Variants in PNPLA6 observed in about 807,000 individuals in gnomAD.
PNPLA6 encodes patatin-like phospholipase domain-containing protein 6.
In PNPLA6, 105 loss-of-function variants were observed where a neutral mutation model predicts 153.7. That is an observed-to-expected ratio of 0.68 (90% CI 0.58 to 0.80). PNPLA6 has a LOEUF of 0.80. PNPLA6 is among the 30% of genes least tolerant of loss of function. PNPLA6 has a pLI of 0.00. For missense variants in PNPLA6, 1,423 were observed against 1,919.3 expected (o/e 0.74, Z 4.83); for synonymous variants, 825 against 822.2 (o/e 1.00, Z -0.06).
rs1384010141 is a variant in PNPLA6, at chr19:7,551,011, G to T, written c.2088G>T (p.Arg696=). ...DLIGVVEALT[R]QPRATTVHAV... ...CCCCCCAGGTGGAGGCACTGACCCG[G>T]CAGCCGCGAGCCACGACGGTGCACG... is the stretch of plus-strand genomic sequence containing the variant. The change falls in exon 17 of 32, where the codon CGG becomes CGT. Residue 696 remains arginine (R), a synonymous_variant. Transcript: ENST00000600737. The T allele has an allele frequency of 5.2e-6, 8 of 1,545,898 alleles. No individual in the cohort carries two copies. The highest frequency in any genetic ancestry group is 1.4e-5 in the African/African-American group (1 of 73,006).
intron 27 of PNPLA6, among the ~76,000 whole-genome samples, chr19:7,558,576 G>A (rs1005834237): frequency 2.6e-5 from 4 of 152,092 alleles, no homozygotes; most frequent in African/African-American, 9.7e-5. Flanking sequence ...AGGTTGCATC[G>A]AGCCCAGATC....
chr19:7,542,565 G>T lies in PNPLA6; in HGVS notation c.1257G>T (p.Leu419Phe). ...CVSMPGDISG[L>F]QGGPRSDFDM... Reference sequence around the variant, plus strand: ...TGCCCCCCTGCCTGCCTGCAGGCTTGCAGGGTGGCCCCCGCTCCGACTTCG... The same window carrying T: ...TGCCCCCCTGCCTGCCTGCAGGCTTTCAGGGTGGCCCCCGCTCCGACTTCG... Residue 419 changes from leucine to phenylalanine, a missense_variant, in exon 11 of 32, where the codon TTG becomes TTT. Around this residue, in one of 10 missense-constraint regions of PNPLA6, gnomAD observed 267 missense variants for 255.1 expected, o/e 1.05. Transcript: ENST00000600737. 1 of 1,613,340 alleles carries T rather than the reference G, an allele frequency of 6.2e-7. No homozygotes were observed. Among genetic ancestry groups the T allele is most frequent in the Non-Finnish European group, 8.5e-7 (1 of 1,179,600 alleles).
intron 13 of PNPLA6, 93 bp from the exon 14 acceptor site, chr19:7,549,810 CCTTT>C: frequency 1.6e-6 from 2 of 1,234,932 alleles, no homozygotes; most frequent in African/African-American, 3.0e-5. Context: ...CTTAACCCTT[CCTTT>C]CTTCTTTAAT....
In PNPLA6 at chr19:7,549,662, T is replaced by G. The variant is rs58969808; in HGVS notation, c.1609-245T>G. 6,247 of 551,304 alleles carry G rather than the reference T, an allele frequency of 0.011. 312 individuals are homozygous for G. The highest frequency in any genetic ancestry group is 0.11 in the African/African-American group (5,688 of 52,906). 34.2% of individuals were successfully genotyped at this position (551,304 alleles called of 1,614,324 possible). A position where few individuals can be genotyped will look rare whatever the true frequency, so the allele number is the denominator to read the frequency against. On this transcript the variant is annotated intron_variant, in intron 13 of 31. Coordinates refer to ENST00000600737, the MANE Select transcript of PNPLA6 (RefSeq NM_001166114.2). ...TGCCACGACGCCCAGCTAATTTTTT[T>G]ATTTTAGTAGAGACAGGTTTCGCCA...
In PNPLA6 at chr19:7,536,073, G is replaced by A. The variant is rs2022854005; in HGVS notation, c.232+53G>A. The A allele has an allele frequency of 7.0e-6, 11 of 1,578,484 alleles. No homozygotes were observed. The South Asian group carries it at 9.0e-5, about 13-fold the overall frequency. On this transcript the variant is annotated intron_variant, in intron 1 of 31. Coordinates refer to ENST00000600737, the MANE Select transcript of PNPLA6 (RefSeq NM_001166114.2). ...AGGCTGTATGGTGGGGGGCCCAAAT[G>A]CCCGGGTCCCGAGGCGGCAGAGATG...
At chr19:7,551,962 C>T (rs1048053370) in intron 18 of PNPLA6, among the ~76,000 whole-genome samples, 2 of 152,030 alleles carry the variant, frequency 1.3e-5, no homozygotes, top group African/African-American at 2.4e-5. Context: ...CAAACATTAG[C>T]TGGGCTTGGT....
At chr19:7,548,724 CACAT>C (rs1205448291) in intron 13 of PNPLA6, among the ~76,000 whole-genome samples, 2 of 141,180 alleles carry the variant, frequency 1.4e-5, no homozygotes, top group Non-Finnish European at 3.0e-5. Context: ...TATATACACA[CACAT>C]ATATATACAC....
Position 7,550,292 on chromosome 19 carries a change from C to A in PNPLA6, c.1815-6C>A, listed in dbSNP as rs200365874. ...TTCCTCTTTCATCCCAAGTCTGTTC[C>A]TGCAGGATCATGCGCGCACAGCCCA... On this transcript the variant is annotated splice_region_variant and splice_polypyrimidine_tract_variant and intron_variant, in intron 14 of 31. Coordinates refer to ENST00000600737, the MANE Select transcript of PNPLA6 (RefSeq NM_001166114.2). The A allele has an allele frequency of 7.3e-5, 117 of 1,612,802 alleles. No individual in the cohort carries two copies. The highest frequency in any genetic ancestry group is 1.6e-4 in the Middle Eastern group (1 of 6,084).
At chr19:7,557,405 G>T in intron 27 of PNPLA6, 121 bp downstream of exon 27, 1 of 722,456 alleles carries the variant, frequency 1.4e-6, no homozygotes, top group Non-Finnish European at 2.5e-6. Context: ...CCCATGCAGG[G>T]GTGCAGACAC....
Position 7,535,943 on chromosome 19 carries a change from T to A in PNPLA6, c.155T>A (p.Val52Glu). 6.3e-7 allele frequency: 1 copy of A among 1,586,006 alleles called. No homozygotes were observed. The highest frequency in any genetic ancestry group is 8.5e-7 in the Non-Finnish European group (1 of 1,170,858). ...CCGTTCGTCCCTCAGGTGCTTGGCG[T>A]GATGATCGGGGCCGGAGTGGCGGTG... ...PVPFVPQVLG[V>E]MIGAGVAVVV... is the part of the protein sequence containing the mutation. Residue 52 changes from valine (V) to glutamate (E), a missense_variant, in exon 1 of 32, where the codon GTG becomes GAG. Coordinates refer to ENST00000600737, the MANE Select transcript of PNPLA6 (RefSeq NM_001166114.2). This position sits in a 1 kb window ranked among gnomAD's most constrained non-coding sequence, Gnocchi z 5.0.
intron 27 of PNPLA6, 90 bp from the exon 28 acceptor site, chr19:7,558,748 TTTTGCGTGATCA>T: frequency 6.2e-6 from 5 of 808,382 alleles, no homozygotes; most frequent in East Asian, 2.7e-5. Context: ...TCTCTTTTTT[TTTTGCGTGATCA>T]TTTGCATGAT....
chr19:7,535,600 G>C (rs1252194496), upstream of PNPLA6: 2 of 1,598,486 alleles, frequency 1.3e-6, no homozygotes, highest in Non-Finnish European at 1.7e-6. This position sits in a 1 kb window ranked among gnomAD's most constrained non-coding sequence, Gnocchi z 5.0. Context: ...GCGGAGACCG[G>C]GTAGGTGCCG....
At position 7,557,109 on chromosome 19, in the gene PNPLA6, G is replaced by C. The variant is rs1455702168; in HGVS notation, c.3281-59G>C. 2.3e-6 allele frequency: 3 copies of C among 1,304,170 alleles called. No individual in the cohort carries two copies. The African/African-American group carries it at 4.4e-5, about 19-fold the overall frequency. The allele number at this position is 1,304,170 out of a possible 1,614,324, so 80.8% of individuals were successfully genotyped here. The stretch of plus-strand genomic sequence containing the variant: ...TCAGCGAGCCCATCGGGCCGGCTGG[G>C]CCTCCGGCGTGTCTGAGCGTGTCTG... On this transcript the variant is annotated intron_variant, in intron 26 of 31. Coordinates refer to ENST00000600737, the MANE Select transcript of PNPLA6 (RefSeq NM_001166114.2).
chr19:7,540,740 C>T lies in PNPLA6; in HGVS notation c.795+30C>T. The T allele has an allele frequency of 1.3e-6, 2 of 1,586,936 alleles. No individual in the cohort carries two copies. The highest frequency in any genetic ancestry group is 1.7e-6 in the Non-Finnish European group (2 of 1,155,234). On this transcript the variant is annotated intron_variant, in intron 6 of 31. Coordinates refer to ENST00000600737, the MANE Select transcript of PNPLA6 (RefSeq NM_001166114.2). The surrounding 1 kb of genome is among the most constrained non-coding windows in gnomAD (Gnocchi z 6.8). ...GTGACCAGTTTCTGAGGCAGGGGGGCTGGGGTGCAAGGTCCCACCCAAGGG... is the reference window on the plus strand; with the variant it reads ...GTGACCAGTTTCTGAGGCAGGGGGGTTGGGGTGCAAGGTCCCACCCAAGGG...
chr19:7,540,963 C>T lies in PNPLA6; in HGVS notation c.836C>T (p.Ala279Val), dbSNP rs1459975794. The change falls in exon 7 of 32, where the codon GCC becomes GTC. Residue 279 changes from alanine to valine, a missense_variant. This residue lies in a region of PNPLA6 where 118 missense variants were observed against 158.8 expected (regional missense o/e 0.74). Transcript: ENST00000600737. The surrounding 1 kb of genome is among the most constrained non-coding windows in gnomAD (Gnocchi z 6.8). ...CAGCGGACCGTGTCTGCCCGGGCGGCCCGGGACTCCACGGTGCTGCGCCTG... is the reference window on the plus strand; with the variant it reads ...CAGCGGACCGTGTCTGCCCGGGCGGTCCGGGACTCCACGGTGCTGCGCCTG... ...HPQRTVSARA[A>V]RDSTVLRLPV... 6.2e-6 allele frequency: 10 copies of T among 1,611,956 alleles called. No homozygotes were observed. In the East Asian group the frequency reaches 2.2e-4, roughly 36 times the overall value.
chr19:7,534,320 C>T (rs1376992577), upstream of PNPLA6: 5 of 234,926 alleles, frequency 2.1e-5, no homozygotes, highest in South Asian at 1.6e-4. Flanking sequence ...ACGATCTGTC[C>T]TCCGATTCCT....
chr19:7,550,945 C>T (rs1273111781), intron 16 of PNPLA6, 49 bp from the exon 17 acceptor site: 2 of 1,353,294 alleles, frequency 1.5e-6, no homozygotes, highest in East Asian at 2.5e-5. Flanking sequence ...CATCTTCGGC[C>T]TCCTCATTCC....
intron 28 of PNPLA6, 64 bp from the exon 29 acceptor site, chr19:7,560,584 C>T (rs1417290337): frequency 1.5e-5 from 16 of 1,101,134 alleles, no homozygotes; most frequent in Non-Finnish European, 2.1e-5. Context: ...AGAGAATGGG[C>T]AGACAGAGTG....
In PNPLA6 at chr19:7,555,353, C is replaced by T. The variant is rs767028461; in HGVS notation, c.2922C>T (p.Gly974=). The change falls in exon 23 of 32, where the codon GGC becomes GGT. Residue 974 remains glycine (G), a synonymous_variant. Coordinates refer to ENST00000600737, the MANE Select transcript of PNPLA6 (RefSeq NM_001166114.2). The surrounding 1 kb of genome is among the most constrained non-coding windows in gnomAD (Gnocchi z 6.3). Reference sequence around the variant, plus strand: ...GGAACACCATTGCCCTTGTGCTAGGCGGGGGCGGGGCCAGGTGAGGGCGGG... The same window carrying T: ...GGAACACCATTGCCCTTGTGCTAGGTGGGGGCGGGGCCAGGTGAGGGCGGG... The part of the protein sequence containing the change: ...LTGNTIALVL[G]GGGARGCSHI... 9.5e-7 allele frequency: 1 copy of T among 1,054,108 alleles called. No homozygotes were observed. The highest frequency in any genetic ancestry group is 1.4e-5 in the South Asian group (1 of 73,406). The allele number at this position is 1,054,108 out of a possible 1,614,324, so 65.3% of individuals were successfully genotyped here.
Sources: allele counts gnomAD v4.1 joint callset (sites outside exome capture counted in the v4.1 genomes callset), GRCh38; gene constraint gnomAD v4.1.1; regional missense constraint gnomAD v4.1.1; non-coding constraint Gnocchi (gnomAD v3.1); transcripts MANE v1.5; gene names NCBI Gene and HGNC (gene_info 2026-07-23, HGNC 2026-07-21).